Variants in KCNAB1 observed in about 807,000 individuals in gnomAD.
KCNAB1 encodes the protein potassium voltage-gated channel subfamily A regulatory beta subunit 1.
In KCNAB1, 35 loss-of-function variants were observed where a neutral mutation model predicts 64.6. The observed-to-expected ratio is 0.54, with a 90% CI of 0.41 to 0.72. The LOEUF is 0.72. KCNAB1 is among the 30% of genes least tolerant of loss of function. KCNAB1 has a pLI of 0.00. For synonymous variants in KCNAB1, 177 were observed against 183.8 expected, an observed-to-expected ratio of 0.96 and a Z score of 0.30; for missense variants, 401 against 512.9, an observed-to-expected ratio of 0.78 and a Z score of 2.11.
At chr3:156,358,424 G>A (rs888313384) in intron 1 of KCNAB1, among the ~76,000 whole-genome samples, 3 of 152,168 alleles carry the variant, frequency 2.0e-5, no homozygotes, top group African/African-American at 7.2e-5. Context: ...CAGCAGGGAA[G>A]CCAGAGCAGG....
intron 1 of KCNAB1, among the ~76,000 whole-genome samples, chr3:156,248,161 T>C (rs1239379966): frequency 6.6e-6 from 1 of 152,244 alleles, no homozygotes; most frequent in East Asian, 1.9e-4. Context: ...TAAGTTGTAA[T>C]CAATGCACCA....
At chr3:156,295,724 T>A (rs1054056573) in intron 1 of KCNAB1, among the ~76,000 whole-genome samples, 4 of 152,198 alleles carry the variant, frequency 2.6e-5, no homozygotes, top group African/African-American at 9.6e-5. Flanking sequence ...GGGCTTTTTT[T>A]TCCAATACAG....
At chr3:156,483,344 T>A (rs1576924707) in intron 8 of KCNAB1, among the ~76,000 whole-genome samples, 1 of 152,058 alleles carries the variant, frequency 6.6e-6, no homozygotes, top group African/African-American at 2.4e-5. Flanking sequence ...AGAATGGGGG[T>A]CACCAATGGG....
At chr3:156,273,426 C>T in intron 1 of KCNAB1, 1 of 357,856 alleles carries the variant, frequency 2.8e-6, no homozygotes, top group South Asian at 2.1e-5. Flanking sequence ...TCTGGCTAGG[C>T]CTGGTCTAAA....
intron 11 of KCNAB1, 36 bp from the exon 12 acceptor site, chr3:156,523,791 C>T: frequency 1.3e-6 from 2 of 1,578,854 alleles, no homozygotes; most frequent in Non-Finnish European, 1.7e-6. Context: ...AGATCTTTAC[C>T]AGACATTAAC....
In KCNAB1 at chr3:156,444,181, AAAG is replaced by A. The variant is rs370776214; in HGVS notation, c.320-8715_320-8713del. 2.0e-4 allele frequency among the ~76,000 whole-genome samples: 31 copies of A among 152,310 alleles called. No individual in the cohort carries two copies. In the East Asian group the frequency reaches 4.2e-3, roughly 21 times the overall value. On this transcript the variant is annotated intron_variant, in intron 2 of 13. Transcript: ENST00000490337. The stretch of plus-strand genomic sequence containing the variant: ...GAATGCTTTGTGTGCGTCATTTGAA[AAAG>A]AACACGTCCAAGCACCCAGACATAG...
At chr3:156,278,767 G>T (rs1463714134) in intron 1 of KCNAB1, among the ~76,000 whole-genome samples, 1 of 151,924 alleles carries the variant, frequency 6.6e-6, no homozygotes, top group Non-Finnish European at 1.5e-5. Context: ...CAGAGTCGGT[G>T]TCACCAGATT....
intron 1 of KCNAB1, among the ~76,000 whole-genome samples, chr3:156,408,181 C>T (rs182472687): frequency 1.1e-4 from 16 of 152,248 alleles, no homozygotes; most frequent in African/African-American, 3.4e-4. Context: ...CAAAAATGGC[C>T]GAACTCAGCA....
At chr3:156,139,206 C>T (rs1429694684) in intron 1 of KCNAB1, among the ~76,000 whole-genome samples, 4 of 152,144 alleles carry the variant, frequency 2.6e-5, no homozygotes, top group Admixed American at 1.3e-4. Context: ...TTCTATCCTC[C>T]ACCTTTAAAC....
At chr3:156,524,608 G>C (rs527478860) in intron 12 of KCNAB1, among the ~76,000 whole-genome samples, 4 of 151,848 alleles carry the variant, frequency 2.6e-5, no homozygotes, top group African/African-American at 9.7e-5. Context: ...TTAGCCGGGC[G>C]TGGTGGTGGG....
chr3:156,440,812 C>A (rs1716938588), intron 2 of KCNAB1, among the ~76,000 whole-genome samples: 1 of 152,060 alleles, frequency 6.6e-6, no homozygotes, highest in South Asian at 2.1e-4. Context: ...ATGAAATAAG[C>A]TAATCCTTAT....
downstream of KCNAB1, chr3:156,538,969 A>G (rs1719271785): frequency 6.6e-6 from 1 of 152,194 alleles, no homozygotes; most frequent in Non-Finnish European, 1.5e-5. Flanking sequence ...CTGTGGGAAC[A>G]GCCAGTTTTT....
rs1259575491 is a variant in KCNAB1 at position 156,537,802 on chromosome 3, TATA to T, written c.*1058_*1060del. 2 of 152,658 alleles carry T rather than the reference TATA, an allele frequency of 1.3e-5. No individual in the cohort carries two copies. The highest frequency in any genetic ancestry group is 2.4e-5 in the African/African-American group (1 of 41,462). The allele number at this position is 152,658 out of a possible 1,614,324, so 9.5% of individuals were successfully genotyped here. A position where few individuals can be genotyped will look rare whatever the true frequency, so the allele number is the denominator to read the frequency against. Reference sequence around the variant, plus strand: ...TTTAATTAGCACTGGGATTTTATAATATAATGTTTGGTATTTTTGAGGCATTGT... The same window carrying T: ...TTTAATTAGCACTGGGATTTTATAATATGTTTGGTATTTTTGAGGCATTGT... On this transcript the variant is annotated 3_prime_UTR_variant, in exon 14 of 14. Transcript: ENST00000490337.
chr3:156,404,292 T>A (rs1406400609), intron 1 of KCNAB1, among the ~76,000 whole-genome samples: 1 of 152,166 alleles, frequency 6.6e-6, no homozygotes, highest in Non-Finnish European at 1.5e-5. Flanking sequence ...CTTAGTCTGT[T>A]TTTTTTTCTT....
chr3:156,484,852 T>C (rs1307403249), intron 8 of KCNAB1, among the ~76,000 whole-genome samples: 1 of 126,200 alleles, frequency 7.9e-6, no homozygotes, highest in Non-Finnish European at 1.8e-5. Context: ...ATATTTAATA[T>C]GTGTCCTAAA....
intron 1 of KCNAB1, among the ~76,000 whole-genome samples, chr3:156,266,263 A>G (rs554739475): frequency 5.9e-5 from 9 of 152,266 alleles, no homozygotes; most frequent in African/African-American, 2.2e-4. Context: ...CTTCATTACT[A>G]TAGAACTATG....
chr3:156,270,105 A>C (rs1718939364), intron 1 of KCNAB1, among the ~76,000 whole-genome samples: 1 of 151,702 alleles, frequency 6.6e-6, no homozygotes, highest in African/African-American at 2.4e-5. Flanking sequence ...TTTAGTAGAG[A>C]CGAGGTTTCA....
intron 1 of KCNAB1, among the ~76,000 whole-genome samples, chr3:156,161,203 C>G (rs1237703378): frequency 6.6e-6 from 1 of 152,122 alleles, no homozygotes; most frequent in Non-Finnish European, 1.5e-5. Flanking sequence ...TGTGTCTGCC[C>G]TTTAAGAGGT....
chr3:156,249,850 C>T (rs1300180945), intron 1 of KCNAB1, among the ~76,000 whole-genome samples: 1 of 152,156 alleles, frequency 6.6e-6, no homozygotes, highest in East Asian at 1.9e-4. Flanking sequence ...AGGCTCCACA[C>T]TATGGAAAGG....
Sources: allele counts gnomAD v4.1 joint callset (sites outside exome capture counted in the v4.1 genomes callset), GRCh38; gene constraint gnomAD v4.1.1; transcripts MANE v1.5; gene names NCBI Gene and HGNC (gene_info 2026-07-23, HGNC 2026-07-21).